The following LAMA2 variants were observed in gnomAD, a reference collection of about 807,000 sequenced individuals.
LAMA2 encodes laminin subunit alpha-2.
Under a neutral mutation model 364.8 loss-of-function variants are expected in LAMA2, and 269 were observed. The ratio of observed to expected loss-of-function variants is 0.74; its 90% CI spans 0.67 to 0.82. The LOEUF (loss-of-function observed/expected upper bound fraction) is 0.82, where lower values mean the gene tolerates loss of function less well. LAMA2 is among the 40% of genes least tolerant of loss of function. LAMA2 has a pLI of 0.00. For missense variants in LAMA2, 3,807 were observed against 3,873.2 expected (o/e 0.98, Z 0.45); for synonymous variants, 1,379 against 1,370.6 (o/e 1.01, Z -0.14).
At chr6:129,417,530 C>G (rs976779363) in intron 40 of LAMA2, among the ~76,000 whole-genome samples, 1 of 152,100 alleles carries the variant, frequency 6.6e-6, no homozygotes, top group Non-Finnish European at 1.5e-5. Flanking sequence ...TTTGTGGAAC[C>G]GACAGTCCAG....
chr6:129,400,188 A>G (rs1779890409), intron 37 of LAMA2, among the ~76,000 whole-genome samples: 1 of 152,244 alleles, frequency 6.6e-6, no homozygotes, highest in South Asian at 2.1e-4. Context: ...TCTTTTTTAT[A>G]AGGGCAGTAA....
At chr6:129,345,330 G>A (rs1403597438) in intron 30 of LAMA2, among the ~76,000 whole-genome samples, 1 of 152,164 alleles carries the variant, frequency 6.6e-6, no homozygotes, top group Non-Finnish European at 1.5e-5. Context: ...GTTATCAACA[G>A]GGTAGGCCCG....
intron 4 of LAMA2, among the ~76,000 whole-genome samples, chr6:129,128,650 T>A (rs1253391848): frequency 6.6e-6 from 1 of 152,264 alleles, no homozygotes; most frequent in Non-Finnish European, 1.5e-5. Flanking sequence ...TTTCCATTTA[T>A]TCATGCCTTC....
In LAMA2 at chr6:129,393,229, A is replaced by T; in HGVS notation, c.5419A>T (p.Asn1807Tyr). 6.2e-7 allele frequency: 1 copy of T among 1,613,948 alleles called. No individual in the cohort carries two copies. The highest frequency in any genetic ancestry group is 8.5e-7 in the Non-Finnish European group (1 of 1,179,870). ...IREANRLFAV[N>Y]QKNMTALEKK... The stretch of plus-strand genomic sequence containing the variant: ...AGAAGCTAATCGCCTATTTGCAGTA[A>T]ATCAGAAAAACATGACTGCATTGGA... Residue 1807 changes from asparagine (N) to tyrosine (Y), a missense_variant, in exon 37 of 65, where the codon AAT becomes TAT. This residue lies in a region of LAMA2 where 3,333 missense variants were observed against 3,345.7 expected (regional missense o/e 1.00). Coordinates refer to ENST00000421865, the MANE Select transcript of LAMA2 (RefSeq NM_000426.4).
At chr6:128,940,851 T>C (rs1780107767) in intron 1 of LAMA2, among the ~76,000 whole-genome samples, 1 of 152,100 alleles carries the variant, frequency 6.6e-6, no homozygotes, top group African/African-American at 2.4e-5. Context: ...CTCCAAAGGC[T>C]GAAGTGGGAG....
At chr6:129,210,484 A>G (rs150282280) in intron 12 of LAMA2, among the ~76,000 whole-genome samples, 2 of 152,314 alleles carry the variant, frequency 1.3e-5, no homozygotes, top group Non-Finnish European at 2.9e-5. Context: ...TTTTTAAAGA[A>G]ACAGGAAGTC....
chr6:129,443,268 T>TA (rs1259902707), intron 44 of LAMA2, among the ~76,000 whole-genome samples, 200 bp downstream of exon 44: 2 of 152,182 alleles, frequency 1.3e-5, no homozygotes, highest in African/African-American at 4.8e-5. Context: ...ATAAAGGTGA[T>TA]ATAAAATGTT....
At chr6:129,317,017 G>T (rs1052229869) in intron 27 of LAMA2, among the ~76,000 whole-genome samples, 1 of 152,118 alleles carries the variant, frequency 6.6e-6, no homozygotes, top group African/African-American at 2.4e-5. Flanking sequence ...ACATGGGAAT[G>T]GATTAGTAAT....
chr6:129,218,397 G>T (rs1471190694), intron 12 of LAMA2, among the ~76,000 whole-genome samples: 9 of 152,092 alleles, frequency 5.9e-5, no homozygotes, highest in African/African-American at 2.2e-4. Flanking sequence ...TAAAAAGCTT[G>T]ATATACAATG....
At chr6:129,320,427 A>C in intron 27 of LAMA2, 111 bp from the exon 28 acceptor site, 1 of 771,680 alleles carries the variant, frequency 1.3e-6, no homozygotes, top group South Asian at 1.4e-5. Context: ...ACAATAGAAC[A>C]TACTTGAGGT....
intron 12 of LAMA2, among the ~76,000 whole-genome samples, chr6:129,222,522 G>T (rs1251549982): frequency 8.0e-6 from 1 of 125,464 alleles, no homozygotes; most frequent in Non-Finnish European, 1.6e-5. Flanking sequence ...GCCCCGGTGT[G>T]TGATGTTCCC....
At chr6:129,380,382 TAA>T (rs1160013780) in intron 34 of LAMA2, among the ~76,000 whole-genome samples, 1 of 152,134 alleles carries the variant, frequency 6.6e-6, no homozygotes, top group Non-Finnish European at 1.5e-5. Flanking sequence ...ATATTTACTA[TAA>T]GTTAGGCATC....
At chr6:129,502,635 T>C (rs1437206174) in intron 58 of LAMA2, 24 bp from the exon 59 acceptor site, 1 of 1,468,178 alleles carries the variant, frequency 6.8e-7, no homozygotes, top group Non-Finnish European at 9.6e-7. Context: ...AATCTCCTGT[T>C]TTTCTCTCCT....
chr6:129,301,366 T>G (rs374295634), intron 22 of LAMA2, among the ~76,000 whole-genome samples: 1 of 152,142 alleles, frequency 6.6e-6, no homozygotes, highest in East Asian at 1.9e-4. Flanking sequence ...GCCAGAGTCA[T>G]GTTCAGAGAG....
At chr6:129,380,558 A>G (rs1778623960) in intron 34 of LAMA2, among the ~76,000 whole-genome samples, 1 of 152,156 alleles carries the variant, frequency 6.6e-6, no homozygotes, top group South Asian at 2.1e-4. Flanking sequence ...GGAAGTGTGG[A>G]AACCTAGGTA....
At chr6:129,252,364 A>T in intron 14 of LAMA2, 69 bp downstream of exon 14, 1 of 1,211,782 alleles carries the variant, frequency 8.3e-7, no homozygotes, top group Non-Finnish European at 1.2e-6. Context: ...GAGCCGCCCC[A>T]GGAGTGAATT....
intron 34 of LAMA2, 44 bp downstream of exon 34, chr6:129,370,034 T>A: frequency 6.7e-7 from 1 of 1,500,422 alleles, no homozygotes; most frequent in South Asian, 1.1e-5. Flanking sequence ...AGATAGATTA[T>A]GTCAATGAAG....
intron 18 of LAMA2, among the ~76,000 whole-genome samples, chr6:129,282,697 C>T (rs1355726281): frequency 6.6e-6 from 1 of 152,144 alleles, no homozygotes; most frequent in African/African-American, 2.4e-5. Flanking sequence ...CTCTCAACTA[C>T]TTTCATTCCA....
chr6:129,140,636 A>G (rs1562270659), intron 4 of LAMA2, among the ~76,000 whole-genome samples: 1 of 152,022 alleles, frequency 6.6e-6, no homozygotes, highest in African/African-American at 2.4e-5. Context: ...ACCCCATAGG[A>G]AATCAGGAAG....
Sources: allele counts gnomAD v4.1 joint callset (sites outside exome capture counted in the v4.1 genomes callset), GRCh38; gene constraint gnomAD v4.1.1; regional missense constraint gnomAD v4.1.1; transcripts MANE v1.5; gene names NCBI Gene and HGNC (gene_info 2026-07-23, HGNC 2026-07-21).